The following DPYD variants were observed in gnomAD, a reference collection of about 807,000 sequenced individuals.
DPYD encodes dihydropyrimidine dehydrogenase, also known as dihydropyrimidine dehydrogenase [NADP(+)].
A neutral mutation model predicts 116.2 loss-of-function variants in DPYD; 109 were observed. That is an observed-to-expected ratio of 0.94 (90% CI 0.80 to 1.10). The LOEUF (loss-of-function observed/expected upper bound fraction) is 1.10. Among genes scored for constraint, DPYD ranks in the 50% least tolerant of loss-of-function variants. The pLI, the probability that DPYD is intolerant of heterozygous loss-of-function variation, is 0.00. For missense variants in DPYD, 1,302 were observed against 1,254.5 expected, an observed-to-expected ratio of 1.04 and a Z score of -0.57; for synonymous variants, 440 against 432.0, an observed-to-expected ratio of 1.02 and a Z score of -0.23.
intron 20 of DPYD, among the ~76,000 whole-genome samples, chr1:97,138,409 T>C (rs147253021): frequency 1.3e-5 from 2 of 152,276 alleles, no homozygotes; most frequent in African/African-American, 4.8e-5. Flanking sequence ...TGGAGAATAC[T>C]AGGATGTGCT....
intron 20 of DPYD, among the ~76,000 whole-genome samples, chr1:97,148,130 C>T (rs1413649226): frequency 6.6e-6 from 1 of 152,032 alleles, no homozygotes; most frequent in African/African-American, 2.4e-5. Flanking sequence ...GAGCCTTAAG[C>T]TGTCATGCAT....
intron 21 of DPYD, among the ~76,000 whole-genome samples, chr1:97,092,998 TCA>T (rs1270203738): frequency 6.6e-6 from 1 of 152,140 alleles, no homozygotes; most frequent in Admixed American, 6.6e-5. Context: ...TGAAATATTC[TCA>T]GTTCCCCATT....
intron 4 of DPYD, among the ~76,000 whole-genome samples, chr1:97,737,253 G>A (rs993429405): frequency 6.6e-5 from 10 of 152,090 alleles, no homozygotes; most frequent in Non-Finnish European, 1.0e-4. Flanking sequence ...TCTTTAAATG[G>A]ATAGAGGGGT....
chr1:97,446,940 C>G (rs1676118394), intron 14 of DPYD, among the ~76,000 whole-genome samples: 2 of 151,938 alleles, frequency 1.3e-5, no homozygotes, highest in African/African-American at 2.4e-5. Context: ...AAATTTAATT[C>G]ACAGATAAAT....
intron 8 of DPYD, among the ~76,000 whole-genome samples, chr1:97,625,212 T>C (rs143098657): frequency 6.6e-6 from 1 of 152,210 alleles, no homozygotes; most frequent in East Asian, 1.9e-4. Context: ...CATCATCTTA[T>C]GCCTCATAAA....
At chr1:97,254,269 A>G (rs1570766163) in intron 18 of DPYD, among the ~76,000 whole-genome samples, 1 of 152,292 alleles carries the variant, frequency 6.6e-6, no homozygotes, top group East Asian at 1.9e-4. Context: ...CACTGTACAT[A>G]TACTTTTTAT....
At chr1:97,348,894 C>T (rs1013792464) in intron 16 of DPYD, among the ~76,000 whole-genome samples, 1 of 152,254 alleles carries the variant, frequency 6.6e-6, no homozygotes, top group East Asian at 1.9e-4. Flanking sequence ...CCAATATGGA[C>T]ACTATTCTGC....
intron 1 of DPYD, among the ~76,000 whole-genome samples, chr1:97,886,342 T>C (rs1003400851): frequency 6.6e-6 from 1 of 152,000 alleles, no homozygotes. Context: ...AAACTGCAAC[T>C]GAGTGCAGCT....
chr1:97,645,089 C>T lies in DPYD; in HGVS notation c.850+34006G>A, dbSNP rs542343211. ...CTTACAGTATTCTATTGCATGAATA[C>T]GCTGTAACTTATTTATCAGTTACTA... On this transcript the variant is annotated intron_variant, in intron 8 of 22. Coordinates refer to ENST00000370192, the MANE Select transcript of DPYD (RefSeq NM_000110.4). Among the ~76,000 whole-genome samples the T allele has an allele frequency of 5.8e-4, 89 of 152,226 alleles. No individual in the cohort carries two copies. The South Asian group carries it at 0.012, about 21-fold the overall frequency.
chr1:97,747,281 T>C lies in DPYD; in HGVS notation c.234-6802A>G, dbSNP rs558719435. Among the ~76,000 whole-genome samples, 3 of 152,296 alleles carry C rather than the reference T, an allele frequency of 2.0e-5. No homozygotes were observed. The South Asian group carries it at 6.2e-4, about 32-fold the overall frequency. On this transcript the variant is annotated intron_variant, in intron 3 of 22. Transcript: ENST00000370192. Reference sequence around the variant, plus strand: ...TAAATGTTTTCCTGCCCAGTAGATATGTTGGCACTAAAATAGCTGATATAA... The same window carrying C: ...TAAATGTTTTCCTGCCCAGTAGATACGTTGGCACTAAAATAGCTGATATAA...
intron 20 of DPYD, among the ~76,000 whole-genome samples, chr1:97,181,686 A>G (rs1487981795): frequency 1.3e-5 from 2 of 152,090 alleles, no homozygotes; most frequent in Non-Finnish European, 2.9e-5. Flanking sequence ...GAAGGAATCA[A>G]CTCATAAAGT....
At chr1:97,756,001 C>T (rs911616092) in intron 3 of DPYD, among the ~76,000 whole-genome samples, 1 of 152,090 alleles carries the variant, frequency 6.6e-6, no homozygotes, top group African/African-American at 2.4e-5. Context: ...GGGACTACCA[C>T]ATCAGTTACT....
intron 14 of DPYD, among the ~76,000 whole-genome samples, chr1:97,392,252 A>G (rs553598764): frequency 6.6e-6 from 1 of 152,202 alleles, no homozygotes; most frequent in South Asian, 2.1e-4. Flanking sequence ...GGTGAATCAT[A>G]ATCTTTTTGC....
chr1:97,498,446 C>T (rs547116194), intron 13 of DPYD, among the ~76,000 whole-genome samples: 1 of 151,344 alleles, frequency 6.6e-6, no homozygotes, highest in East Asian at 2.0e-4. Context: ...ACTGTCTTTA[C>T]ACTAAATATA....
At chr1:97,590,359 C>T (rs535748018) in intron 10 of DPYD, among the ~76,000 whole-genome samples, 4 of 152,184 alleles carry the variant, frequency 2.6e-5, no homozygotes, top group East Asian at 3.9e-4. Context: ...GGTATTAGCC[C>T]GTGTAATGCT....
At chr1:97,699,241 A>G in intron 6 of DPYD, 110 bp downstream of exon 6, 6 of 1,143,246 alleles carry the variant, frequency 5.2e-6, no homozygotes, top group Non-Finnish European at 6.4e-6. Context: ...AACATTTAAA[A>G]TACCATCTGT....
chr1:97,807,994 C>T (rs962164233), intron 3 of DPYD, among the ~76,000 whole-genome samples: 1 of 152,126 alleles, frequency 6.6e-6, no homozygotes, highest in African/African-American at 2.4e-5. Flanking sequence ...CTTTCAATAA[C>T]ACCACATTGC....
chr1:97,656,143 G>A (rs1204267969), intron 8 of DPYD, among the ~76,000 whole-genome samples: 4 of 152,060 alleles, frequency 2.6e-5, no homozygotes, highest in African/African-American at 9.7e-5. Context: ...CACATCTTAT[G>A]CAACAAATAA....
At chr1:97,427,475 T>C (rs2101718196) in intron 14 of DPYD, among the ~76,000 whole-genome samples, 1 of 152,080 alleles carries the variant, frequency 6.6e-6, no homozygotes, top group African/African-American at 2.4e-5. Context: ...ATAACCCCAA[T>C]CCTTCACTCT....
Sources: allele counts gnomAD v4.1 joint callset (sites outside exome capture counted in the v4.1 genomes callset), GRCh38; gene constraint gnomAD v4.1.1; transcripts MANE v1.5; gene names NCBI Gene and HGNC (gene_info 2026-07-23, HGNC 2026-07-21).